Variants in RP1 observed in about 807,000 individuals in gnomAD.
RP1 encodes oxygen-regulated protein 1.
RP1 carries 16 observed loss-of-function variants against 14.8 expected under a neutral mutation model. The ratio of observed to expected loss-of-function variants is 1.08; its 90% CI spans 0.73 to 1.65. The LOEUF (loss-of-function observed/expected upper bound fraction) is 1.65. Ranked by LOEUF, RP1 falls within the 40% of genes most tolerant of loss-of-function variation. The probability of loss-of-function intolerance (pLI) is 0.00; values close to 1 mark genes in which losing one functional copy is unlikely to be tolerated. For missense variants in RP1, 2,631 were observed against 2,535.0 expected (o/e 1.04, Z -0.81); for synonymous variants, 876 against 883.6 (o/e 0.99, Z 0.15).
chr8:54,867,003 G>C (rs1420712368), intron 28 of RP1, among the ~76,000 whole-genome samples: 1 of 152,254 alleles, frequency 6.6e-6, no homozygotes, highest in East Asian at 1.9e-4. Flanking sequence ...GAGATTTAGA[G>C]ATAAAAAAGT....
At chr8:54,867,176 A>T (rs1812477032) in intron 28 of RP1, among the ~76,000 whole-genome samples, 1 of 152,188 alleles carries the variant, frequency 6.6e-6, no homozygotes, top group South Asian at 2.1e-4. Flanking sequence ...AGAGATGCAC[A>T]TTGGTTGACT....
chr8:54,848,393 A>G (rs1251766054), intron 25 of RP1, among the ~76,000 whole-genome samples: 1 of 152,042 alleles, frequency 6.6e-6, no homozygotes, highest in Non-Finnish European at 1.5e-5. Context: ...GGAGAGATAA[A>G]CTTCAGGTGT....
chr8:54,628,927 C>T lies in RP1; in HGVS notation c.5045C>T (p.Ser1682Phe). The change falls in exon 4 of 4, where the codon TCT (serine) becomes TTT (phenylalanine). Residue 1682 changes from serine to phenylalanine, a missense_variant. Transcript: ENST00000220676. ...GATTCTGAAGGGCAGTCATTTGGCT[C>T]TTCTGAACAGGTATCTAGTAGTTCA... ...LYDSEGQSFG[S>F]SEQVSSSSSM... 4 of 1,613,996 alleles carry T rather than the reference C, an allele frequency of 2.5e-6. No homozygotes were observed. The highest frequency in any genetic ancestry group is 3.4e-6 in the Non-Finnish European group (4 of 1,179,968).
At chr8:54,651,122 C>T (rs2129325816) in intron 4 of RP1, among the ~76,000 whole-genome samples, 1 of 152,106 alleles carries the variant, frequency 6.6e-6, no homozygotes, top group Non-Finnish European at 1.5e-5. Flanking sequence ...GTATGTAGAA[C>T]CAATTTCCAT....
At chr8:54,709,608 A>C (rs1285693462) in intron 15 of RP1, among the ~76,000 whole-genome samples, 2 of 152,226 alleles carry the variant, frequency 1.3e-5, no homozygotes, top group East Asian at 3.9e-4. Flanking sequence ...AAGGTGAAAG[A>C]GCATAAATGA....
intron 23 of RP1, among the ~76,000 whole-genome samples, chr8:54,778,486 G>A (rs748192054): frequency 5.3e-5 from 8 of 151,622 alleles, no homozygotes; most frequent in Non-Finnish European, 7.4e-5. Flanking sequence ...CACCATGCCC[G>A]GCTAATTTTT....
At chr8:54,576,805 TC>T (rs1336487206) in intron 1 of RP1, among the ~76,000 whole-genome samples, 2 of 152,196 alleles carry the variant, frequency 1.3e-5, no homozygotes, top group African/African-American at 4.8e-5. Flanking sequence ...AGATAAGACT[TC>T]CTACAACACT....
exon 14 of RP1, chr8:54,701,657 G>A (rs1407062523): frequency 2.6e-6 from 4 of 1,534,512 alleles, no homozygotes; most frequent in East Asian, 4.9e-5. Flanking sequence ...TGTGATTTTT[G>A]TCAAGGTAAA....
chr8:54,834,509 T>TA (rs879381232), intron 24 of RP1, among the ~76,000 whole-genome samples: 8 of 152,022 alleles, frequency 5.3e-5, no homozygotes, highest in Admixed American at 5.2e-4. Flanking sequence ...CTCTAGGCCA[T>TA]AAAGCCCTTG....
chr8:54,679,800 T>A, intron 11 of RP1: 1 of 1,535,446 alleles, frequency 6.5e-7, no homozygotes, highest in Non-Finnish European at 8.7e-7. Context: ...GTTTTTCTTT[T>A]TAGTGGACTG....
At chr8:54,678,358 A>G (rs1807345907) in intron 8 of RP1, 2 of 907,408 alleles carry the variant, frequency 2.2e-6, no homozygotes, top group East Asian at 2.7e-5. Context: ...ATTGTACAAG[A>G]CCTTTACATA....
intron 19 of RP1, among the ~76,000 whole-genome samples, chr8:54,741,707 GTATATA>G (rs372225314): frequency 0.033 from 1,920 of 58,062 alleles, 59 homozygotes; most frequent in African/African-American, 0.088. Flanking sequence ...AAATGTGTGT[GTATATA>G]TATATATATA....
At chr8:54,661,348 A>G (rs184162293) in intron 6 of RP1, among the ~76,000 whole-genome samples, 73 of 149,748 alleles carry the variant, frequency 4.9e-4, no homozygotes, top group African/African-American at 1.7e-3. Flanking sequence ...GCATGGTAGC[A>G]CATGCCTGTA....
rs750018293 is a variant in RP1 at position 54,759,122 on chromosome 8, GGAT to G, written c.3248+51_3248+53del. ...ACTTCAAAAGAGTATGCTGCACTGT[GGAT>G]GATGCTGTGTGTGTGTGTGTGTGTG... is the stretch of plus-strand genomic sequence containing the variant. On this transcript the variant is annotated intron_variant, in intron 22 of 22. Coordinates refer to the RP1 transcript ENST00000636932. 3.4e-6 allele frequency: 5 copies of G among 1,475,382 alleles called. No individual in the cohort carries two copies. The South Asian group carries it at 3.7e-5, about 11-fold the overall frequency. 91.4% of individuals were successfully genotyped at this position (1,475,382 alleles called of 1,614,324 possible). A position where few individuals can be genotyped will look rare whatever the true frequency, so the allele number is the denominator to read the frequency against.
At chr8:54,609,532 T>G (rs1805541445) in intron 1 of RP1, among the ~76,000 whole-genome samples, 1 of 152,014 alleles carries the variant, frequency 6.6e-6, no homozygotes, top group Non-Finnish European at 1.5e-5. Context: ...CAGAATACAC[T>G]TATGGTTACT....
chr8:54,659,260 G>A (rs1164617137), intron 6 of RP1, among the ~76,000 whole-genome samples: 1 of 152,012 alleles, frequency 6.6e-6, no homozygotes, highest in Non-Finnish European at 1.5e-5. Context: ...TGTTTTTGTT[G>A]CATGTGATTT....
intron 25 of RP1, among the ~76,000 whole-genome samples, chr8:54,847,204 A>AT (rs1491115939): frequency 2.0e-5 from 3 of 152,216 alleles, no homozygotes; most frequent in African/African-American, 7.2e-5. Flanking sequence ...TGTAAAAAAA[A>AT]GAGAGAGATT....
intron 24 of RP1, among the ~76,000 whole-genome samples, chr8:54,800,451 T>C (rs572117839): frequency 2.1e-3 from 320 of 152,284 alleles, no homozygotes; most frequent in Non-Finnish European, 4.0e-3. Context: ...ATATTTCTCA[T>C]GCCCTGTTCT....
intron 19 of RP1, among the ~76,000 whole-genome samples, chr8:54,740,700 C>T (rs1022437577): frequency 2.0e-5 from 3 of 150,324 alleles, no homozygotes; most frequent in South Asian, 2.1e-4. Flanking sequence ...CCAGCCTGGG[C>T]GACAAAGCGA....
Sources: gnomAD v4.1 joint callset for allele counts (sites outside exome capture counted in the v4.1 genomes callset) on GRCh38, gnomAD v4.1.1 for gene constraint, MANE v1.5 for transcripts, NCBI Gene and HGNC (gene_info 2026-07-23, HGNC 2026-07-21) for gene names.